Variants in DLEU7 observed in about 807,000 individuals in gnomAD.
DLEU7 encodes the protein deleted in lymphocytic leukemia 7, also known as leukemia-associated protein 7.
In DLEU7, 17 loss-of-function variants were observed where a neutral mutation model predicts 16.0. The observed-to-expected ratio is 1.06, with a 90% CI of 0.73 to 1.59. The LOEUF (loss-of-function observed/expected upper bound fraction) is 1.59, where lower values mean the gene tolerates loss of function less well. Ranked by LOEUF, DLEU7 falls within the 40% of genes most tolerant of loss-of-function variation. The pLI, the probability that DLEU7 is intolerant of heterozygous loss-of-function variation, is 0.00. For synonymous variants in DLEU7, 113 were observed against 139.8 expected (o/e 0.81, Z 1.35); for missense variants, 308 against 314.9 (o/e 0.98, Z 0.17).
intron 1 of DLEU7, among the ~76,000 whole-genome samples, chr13:50,825,304 T>A (rs2137803714): frequency 6.6e-6 from 1 of 152,312 alleles, no homozygotes; most frequent in South Asian, 2.1e-4. Context: ...GACTATTTCA[T>A]AATAAATTGA....
intron 1 of DLEU7, among the ~76,000 whole-genome samples, chr13:50,837,611 A>G (rs1383255332): frequency 2.0e-5 from 3 of 152,146 alleles, no homozygotes; most frequent in African/African-American, 7.2e-5. Flanking sequence ...ATGGCTACTG[A>G]TTATATAACC....
intron 1 of DLEU7, among the ~76,000 whole-genome samples, chr13:50,782,794 T>TTCAGGA (rs1875694156): frequency 6.6e-6 from 1 of 151,214 alleles, no homozygotes; most frequent in Admixed American, 6.6e-5. Context: ...AAAAAAACTC[T>TTCAGGA]TCAGGATAAC....
chr13:50,732,223 T>C (rs1223341059), intron 1 of DLEU7, among the ~76,000 whole-genome samples: 4 of 152,240 alleles, frequency 2.6e-5, no homozygotes, highest in Non-Finnish European at 4.4e-5. Flanking sequence ...AGTATCCATT[T>C]CTACAAGCTA....
chr13:50,774,446 T>C (rs1875433446), intron 1 of DLEU7, among the ~76,000 whole-genome samples: 1 of 152,228 alleles, frequency 6.6e-6, no homozygotes, highest in Non-Finnish European at 1.5e-5. Flanking sequence ...CCATGTCTTC[T>C]AGCTTCATTT....
chr13:50,763,211 G>A (rs190163843), intron 1 of DLEU7, among the ~76,000 whole-genome samples: 117 of 152,274 alleles, frequency 7.7e-4, no homozygotes, highest in Non-Finnish European at 1.1e-3. Flanking sequence ...GAGGGCTCGA[G>A]TTATGAAGGA....
At position 50,726,817 on chromosome 13, in the gene DLEU7, G is replaced by A. The variant is rs1490170228; in HGVS notation, c.460-13577C>T. ...GCCTCAGGAAATGAAGATGGAACCA[G>A]CTCCACTCATAACTGAGCCTGGAGA... On this transcript the variant is annotated intron_variant, in intron 1 of 1. Transcript: ENST00000400393. This position sits in a 1 kb window ranked among gnomAD's most constrained non-coding sequence, Gnocchi z 4.0. Among the ~76,000 whole-genome samples, 2 of 152,142 alleles carry A rather than the reference G, an allele frequency of 1.3e-5. No individual in the cohort carries two copies. The highest frequency in any genetic ancestry group is 1.9e-4 in the East Asian group (1 of 5,198).
At chr13:50,830,938 A>G (rs146168948) in intron 1 of DLEU7, among the ~76,000 whole-genome samples, 311 of 152,208 alleles carry the variant, frequency 2.0e-3, no homozygotes, top group African/African-American at 7.0e-3. Flanking sequence ...CCTATGGAAC[A>G]CTCAGTTTTC....
intron 1 of DLEU7, among the ~76,000 whole-genome samples, chr13:50,736,023 A>G (rs553228785): frequency 2.6e-5 from 4 of 152,326 alleles, no homozygotes; most frequent in African/African-American, 9.6e-5. Context: ...CCAAAGGAAT[A>G]TAAATAGTTC....
intron 1 of DLEU7, among the ~76,000 whole-genome samples, chr13:50,714,369 G>A (rs555343113): frequency 1.3e-5 from 2 of 152,146 alleles, no homozygotes; most frequent in South Asian, 2.1e-4. Flanking sequence ...AGCTTTTTCC[G>A]AGCAACCCCA....
intron 1 of DLEU7, among the ~76,000 whole-genome samples, chr13:50,760,421 G>A (rs1874895152): frequency 6.6e-6 from 1 of 152,150 alleles, no homozygotes; most frequent in African/African-American, 2.4e-5. Flanking sequence ...GAGTTCACTG[G>A]CATGATCATA....
chr13:50,724,739 G>A (rs895625591), intron 1 of DLEU7, among the ~76,000 whole-genome samples: 1 of 152,022 alleles, frequency 6.6e-6, no homozygotes, highest in African/African-American at 2.4e-5. Flanking sequence ...TCAGGCTATC[G>A]GCCCATCGCA....
At chr13:50,718,523 C>CTT (rs1490311761) in intron 1 of DLEU7, among the ~76,000 whole-genome samples, 3 of 152,144 alleles carry the variant, frequency 2.0e-5, no homozygotes, top group Non-Finnish European at 4.4e-5. Context: ...AATGGAGACC[C>CTT]AAACTAGGAC....
downstream of DLEU7, among the ~76,000 whole-genome samples, chr13:50,818,004 G>T (rs1876786969): frequency 6.6e-6 from 1 of 152,100 alleles, no homozygotes; most frequent in Admixed American, 6.5e-5. Flanking sequence ...AAGAAAATGT[G>T]TTTCCACCAT....
intron 1 of DLEU7, among the ~76,000 whole-genome samples, chr13:50,794,775 A>G (rs1040380109): frequency 6.6e-6 from 1 of 152,148 alleles, no homozygotes; most frequent in African/African-American, 2.4e-5. Flanking sequence ...TGAAGTTCAC[A>G]ATCAATGTTA....
intron 1 of DLEU7, among the ~76,000 whole-genome samples, chr13:50,790,928 G>A (rs540729517): frequency 6.6e-6 from 1 of 152,212 alleles, no homozygotes; most frequent in Non-Finnish European, 1.5e-5. Flanking sequence ...GCTCACTTCG[G>A]CTATACCCAA....
chr13:50,818,358 T>C (rs766872321), downstream of DLEU7, among the ~76,000 whole-genome samples: 3 of 152,166 alleles, frequency 2.0e-5, no homozygotes, highest in Non-Finnish European at 4.4e-5. Flanking sequence ...GATTGCTACA[T>C]GATTGTTTTT....
chr13:50,722,709 G>A (rs921106894), intron 1 of DLEU7, among the ~76,000 whole-genome samples: 2 of 152,126 alleles, frequency 1.3e-5, no homozygotes, highest in African/African-American at 4.8e-5. Context: ...TTCAGAACAA[G>A]AATTCATCCT....
chr13:50,752,404 C>T (rs2137735539), intron 1 of DLEU7, among the ~76,000 whole-genome samples: 1 of 151,008 alleles, frequency 6.6e-6, no homozygotes, highest in African/African-American at 2.4e-5. Flanking sequence ...CCACTTAGCA[C>T]CACCTTTGCT....
chr13:50,751,053 A>G (rs1874547430), intron 1 of DLEU7, among the ~76,000 whole-genome samples: 1 of 152,146 alleles, frequency 6.6e-6, no homozygotes, highest in Non-Finnish European at 1.5e-5. Flanking sequence ...CCCATTCAGT[A>G]TTACGTTGGC....
Sources: allele counts gnomAD v4.1 joint callset (sites outside exome capture counted in the v4.1 genomes callset), GRCh38; gene constraint gnomAD v4.1.1; non-coding constraint Gnocchi (gnomAD v3.1); transcripts MANE v1.5; gene names NCBI Gene and HGNC (gene_info 2026-07-23, HGNC 2026-07-21).